TTC6: variants seen among roughly 807,000 people sequenced by gnomAD.
TTC6 encodes tetratricopeptide repeat protein 6.
In TTC6, 172 loss-of-function variants were observed where a neutral mutation model predicts 210.4. That is an observed-to-expected ratio of 0.82 (90% confidence interval 0.72 to 0.93). The LOEUF (loss-of-function observed/expected upper bound fraction) is 0.93, where lower values mean the gene tolerates loss of function less well. Ranked by LOEUF, TTC6 falls within the 40% of genes least tolerant of loss-of-function variation. The probability of loss-of-function intolerance (pLI) is 0.00; values close to 1 mark genes in which losing one functional copy is unlikely to be tolerated. For missense variants in TTC6, 2,414 were observed against 2,318.1 expected (o/e 1.04, Z -0.85); for synonymous variants, 804 against 819.6 (o/e 0.98, Z 0.32).
exon 11 of TTC6, chr14:37,749,368 A>C: frequency 6.8e-7 from 1 of 1,460,198 alleles, no homozygotes; most frequent in Admixed American, 2.6e-5. Flanking sequence ...GGAAACTGGG[A>C]AAGTTGCAGA....
intron 25 of TTC6, among the ~76,000 whole-genome samples, chr14:37,815,361 A>G (rs753934893): frequency 6.6e-6 from 1 of 152,076 alleles, no homozygotes; most frequent in Non-Finnish European, 1.5e-5. Context: ...TGGCGGGGTG[A>G]TGGTTTCGGA....
intron 14 of TTC6, 97 bp downstream of exon 16, chr14:37,753,332 T>C: frequency 9.5e-7 from 1 of 1,048,304 alleles, no homozygotes; most frequent in Non-Finnish European, 1.3e-6. Context: ...GACAGCTCTT[T>C]AAAAACAATG....
chr14:37,659,034 T>C (rs2095731218), intron 1 of TTC6, among the ~76,000 whole-genome samples: 1 of 152,154 alleles, frequency 6.6e-6, no homozygotes, highest in African/African-American at 2.4e-5. Context: ...GTGGTATTTG[T>C]TTTTCTGTTC....
chr14:37,794,780 C>T (rs557844570), intron 17 of TTC6, among the ~76,000 whole-genome samples: 1 of 151,992 alleles, frequency 6.6e-6, no homozygotes, highest in South Asian at 2.1e-4. Flanking sequence ...TAGATGGAGT[C>T]TCACTATGTT....
intron 1 of TTC6, among the ~76,000 whole-genome samples, chr14:37,632,067 T>C (rs926172941): frequency 1.3e-5 from 2 of 152,184 alleles, no homozygotes; most frequent in Non-Finnish European, 2.9e-5. Flanking sequence ...AACATGTTCC[T>C]TTAGCTTGGA....
Position 37,735,805 on chromosome 14 carries a change from A to C in TTC6, c.1819-116A>C, listed in dbSNP as rs147258011. On this transcript the variant is annotated intron_variant, in intron 7 of 30. Coordinates refer to ENST00000553443, the Ensembl canonical transcript of TTC6. ...TGTTTTCTAGAATTATACTACTTTC[A>C]TATGTTTTCTCTTTGGTTCTTTTGT... is the stretch of plus-strand genomic sequence containing the variant. 1.8e-4 allele frequency: 106 copies of C among 579,732 alleles called. 1 individual carries two copies. The East Asian group carries it at 3.3e-3, about 18-fold the overall frequency. The allele number at this position is 579,732 out of a possible 1,614,324, so 35.9% of individuals were successfully genotyped here.
chr14:37,788,420 C>T (rs770374937), intron 15 of TTC6, among the ~76,000 whole-genome samples: 27 of 152,016 alleles, frequency 1.8e-4, no homozygotes, highest in Admixed American at 1.2e-3. Context: ...ACTAGATTTC[C>T]ACAGGGAAGA....
intron 7 of TTC6, among the ~76,000 whole-genome samples, chr14:37,725,847 A>T (rs2095872061): frequency 6.6e-6 from 1 of 152,156 alleles, no homozygotes; most frequent in Non-Finnish European, 1.5e-5. Context: ...TTTTAAATTA[A>T]TTTAATGTTA....
chr14:37,640,485 A>T (rs1421500908), intron 1 of TTC6, among the ~76,000 whole-genome samples: 1 of 152,136 alleles, frequency 6.6e-6, no homozygotes, highest in Non-Finnish European at 1.5e-5. Context: ...TCCTCCACGA[A>T]TTTTTTTTAA....
At chr14:37,737,432 T>TA (rs78993032) in intron 8 of TTC6, among the ~76,000 whole-genome samples, 4 of 151,308 alleles carry the variant, frequency 2.6e-5, no homozygotes, top group African/African-American at 9.7e-5. Context: ...TTGAATTTTT[T>TA]AAAAAAACAT....
chr14:37,647,904 G>C (rs1168494849), intron 1 of TTC6, among the ~76,000 whole-genome samples: 1 of 152,092 alleles, frequency 6.6e-6, no homozygotes, highest in East Asian at 1.9e-4. Flanking sequence ...TGGAAACCAA[G>C]TGAAAAAACA....
At chr14:37,642,933 T>C (rs553645420) in intron 1 of TTC6, among the ~76,000 whole-genome samples, 2 of 152,366 alleles carry the variant, frequency 1.3e-5, no homozygotes, top group Admixed American at 1.3e-4. Context: ...AAATGCAGTA[T>C]AACCTTATGG....
chr14:37,839,982 C>A (rs543004155), intron 29 of TTC6, among the ~76,000 whole-genome samples: 3 of 152,160 alleles, frequency 2.0e-5, no homozygotes, highest in Non-Finnish European at 4.4e-5. Context: ...ATTTCTGAGG[C>A]CTCTGTTCTG....
chr14:37,686,038 AT>A (rs1255772220), intron 3 of TTC6, among the ~76,000 whole-genome samples: 3 of 152,138 alleles, frequency 2.0e-5, no homozygotes, highest in Non-Finnish European at 2.9e-5. Flanking sequence ...TTTTCCTAGA[AT>A]TCCTAGACTG....
rs565933995 is a variant in TTC6, at chr14:37,838,877, C to A, written c.5299-2568C>A. Reference sequence around the variant, plus strand: ...GTCCATGTATTCTCATTGTTCAACGCCCACTTATGAGTGAGAACATGCGGT... The same window carrying A: ...GTCCATGTATTCTCATTGTTCAACGACCACTTATGAGTGAGAACATGCGGT... On this transcript the variant is annotated intron_variant, in intron 29 of 30. Transcript: ENST00000553443. Among the ~76,000 whole-genome samples, 4 of 152,218 alleles carry A rather than the reference C, an allele frequency of 2.6e-5. No individual in the cohort carries two copies. The South Asian group carries it at 8.3e-4, about 32-fold the overall frequency.
At chr14:37,714,596 ACAC>A (rs2095849471) in intron 5 of TTC6, 56 bp from the exon 8 acceptor site, 1 of 1,403,456 alleles carries the variant, frequency 7.1e-7, no homozygotes, top group African/African-American at 1.4e-5. Context: ...ATGAGGGCAA[ACAC>A]CTTATACTTT....
chr14:37,781,082 T>A (rs1055387934), intron 14 of TTC6, among the ~76,000 whole-genome samples: 1 of 152,220 alleles, frequency 6.6e-6, no homozygotes, highest in African/African-American at 2.4e-5. Context: ...AATGCCACCA[T>A]AAACATACGT....
intron 3 of TTC6, among the ~76,000 whole-genome samples, chr14:37,689,593 A>G (rs1259773467): frequency 6.6e-6 from 1 of 152,142 alleles, no homozygotes; most frequent in Non-Finnish European, 1.5e-5. Context: ...AACAACATAC[A>G]ATAGAGCTCC....
In TTC6 at chr14:37,767,585, A is replaced by G. The variant is rs370055970; in HGVS notation, c.3266+14350A>G. Among the ~76,000 whole-genome samples the G allele has an allele frequency of 2.7e-3, 415 of 152,200 alleles. 1 individual carries two copies. The highest frequency in any genetic ancestry group is 9.4e-3 in the African/African-American group (388 of 41,488). On this transcript the variant is annotated intron_variant, in intron 14 of 30. Transcript: ENST00000553443. ...ACATTTTTTCATGTGTTTTTTGGCT[A>G]CATAAATGTCTTCTTTTGAGAAGTG...
Sources: allele counts gnomAD v4.1 joint callset (sites outside exome capture counted in the v4.1 genomes callset), GRCh38; gene constraint gnomAD v4.1.1; transcripts MANE v1.5; gene names NCBI Gene and HGNC (gene_info 2026-07-23, HGNC 2026-07-21).